INPP5D: variants seen among roughly 807,000 people sequenced by gnomAD.
INPP5D encodes inositol polyphosphate-5-phosphatase D.
INPP5D carries 33 observed loss-of-function variants against 122.9 expected under a neutral mutation model. That is an observed-to-expected ratio of 0.27 (90% CI 0.20 to 0.36). The LOEUF is 0.36. Ranked by LOEUF, INPP5D falls within the 10% of genes least tolerant of loss-of-function variation. The pLI is 1.00. For synonymous variants in INPP5D, 584 were observed against 576.2 expected (o/e 1.01, Z -0.19); for missense variants, 1,053 against 1,412.7 (o/e 0.75, Z 4.08).
At chr2:233,083,564 G>GT (rs1334692771) in intron 2 of INPP5D, among the ~76,000 whole-genome samples, 2 of 152,198 alleles carry the variant, frequency 1.3e-5, no homozygotes, top group African/African-American at 4.8e-5. Context: ...AAGAGAGTGG[G>GT]TTTCTTGTAA....
intron 2 of INPP5D, among the ~76,000 whole-genome samples, chr2:233,092,777 C>T (rs960041069): frequency 6.6e-6 from 1 of 152,214 alleles, no homozygotes; most frequent in Non-Finnish European, 1.5e-5. Context: ...ATCCCTCAAT[C>T]TCCCGTCCCT....
chr2:233,159,199 C>T (rs938548837), intron 10 of INPP5D, among the ~76,000 whole-genome samples: 1 of 152,192 alleles, frequency 6.6e-6, no homozygotes, highest in Admixed American at 6.5e-5. Flanking sequence ...GTGCTGTGGG[C>T]CACTGGGGAA....
At position 233,204,158 on chromosome 2, in the gene INPP5D, C is replaced by T. The variant is rs142742228; in HGVS notation, c.3008C>T (p.Thr1003Met). The T allele has an allele frequency of 2.1e-5, 33 of 1,583,796 alleles. No individual in the cohort carries two copies. Among genetic ancestry groups the T allele is most frequent in the African/African-American group, 4.0e-5 (3 of 74,226 alleles). ...GACCTGGGGAAGAACGCAGGGGACA[C>T]GCTGCCTCAGGAGGACCTGCCGCTG... Reference protein sequence around the residue: ...PSDLGKNAGDTLPQEDLPLTK... With the variant: ...PSDLGKNAGDMLPQEDLPLTK... Residue 1003 changes from threonine to methionine, a missense_variant, in exon 26 of 27, where the codon ACG becomes ATG. Coordinates refer to ENST00000445964, the MANE Select transcript of INPP5D (RefSeq NM_001017915.3).
At position 233,188,762 on chromosome 2, in the gene INPP5D, C is replaced by T. The variant is rs532371748; in HGVS notation, c.2359-1088C>T. On this transcript the variant is annotated intron_variant, in intron 21 of 26. Coordinates refer to ENST00000445964, the MANE Select transcript of INPP5D (RefSeq NM_001017915.3). The surrounding 1 kb of genome is among the most constrained non-coding windows in gnomAD (Gnocchi z 4.7). The stretch of plus-strand genomic sequence containing the variant: ...TTTTTTAGTAGAGACGGGGTTTCAC[C>T]ATGTTGGCCAGGCTGGTCTTGAACT... Among the ~76,000 whole-genome samples the T allele has an allele frequency of 6.6e-6, 1 of 152,284 alleles. No individual in the cohort carries two copies. Among genetic ancestry groups the T allele is most frequent in the Admixed American group, 6.5e-5 (1 of 15,298 alleles).
chr2:233,200,236 G>A (rs7577111), intron 25 of INPP5D, among the ~76,000 whole-genome samples: 5 of 152,202 alleles, frequency 3.3e-5, no homozygotes, highest in Non-Finnish European at 5.9e-5. Flanking sequence ...ACGCTCTCTG[G>A]TGCTGCTGGA....
At chr2:233,155,906 G>A (rs1484997541) in intron 9 of INPP5D, among the ~76,000 whole-genome samples, 8 of 152,140 alleles carry the variant, frequency 5.3e-5, no homozygotes, top group Non-Finnish European at 1.2e-4. Context: ...GATAGATTAC[G>A]CCCTGTGTCA....
At chr2:233,098,543 C>G (rs1337679715) in intron 2 of INPP5D, among the ~76,000 whole-genome samples, 1 of 152,144 alleles carries the variant, frequency 6.6e-6, no homozygotes, top group Non-Finnish European at 1.5e-5. Flanking sequence ...CCTATAAAAT[C>G]CACTCCTGGA....
chr2:233,191,548 G>C (rs1021366463), intron 22 of INPP5D, among the ~76,000 whole-genome samples: 1 of 152,222 alleles, frequency 6.6e-6, no homozygotes, highest in Non-Finnish European at 1.5e-5. Context: ...AGACCAGAAT[G>C]CTGTTGTGCT....
chr2:233,136,365 G>A lies in INPP5D; in HGVS notation c.666-3477G>A, dbSNP rs945297318. Among the ~76,000 whole-genome samples the A allele has an allele frequency of 9.1e-4, 138 of 152,070 alleles. 2 individuals carry two copies. The highest frequency in any genetic ancestry group is 3.4e-4 in the Non-Finnish European group (23 of 68,026). ...GTGGTGTTGCACACCTGTAATCCCA[G>A]CTACTCAGGAGGCTGAGGTAGGAGA... On this transcript the variant is annotated intron_variant, in intron 5 of 26. Coordinates refer to ENST00000445964, the MANE Select transcript of INPP5D (RefSeq NM_001017915.3).
chr2:233,098,070 G>T (rs1692196982), intron 2 of INPP5D, among the ~76,000 whole-genome samples: 1 of 151,948 alleles, frequency 6.6e-6, no homozygotes, highest in South Asian at 2.1e-4. Flanking sequence ...ATTTTAAGTA[G>T]ATTTAAAATA....
chr2:233,098,168 C>T (rs1004085416), intron 2 of INPP5D, among the ~76,000 whole-genome samples: 11 of 152,160 alleles, frequency 7.2e-5, no homozygotes, highest in African/African-American at 2.4e-4. Context: ...GCTGGGATCA[C>T]AGGGATGAGC....
chr2:233,083,793 T>A (rs1016491348), intron 2 of INPP5D, among the ~76,000 whole-genome samples: 1 of 152,132 alleles, frequency 6.6e-6, no homozygotes, highest in Non-Finnish European at 1.5e-5. Flanking sequence ...CTCAGACGTG[T>A]CGCATAAATG....
chr2:233,072,626 C>T (rs1691410856), intron 1 of INPP5D, among the ~76,000 whole-genome samples: 1 of 152,142 alleles, frequency 6.6e-6, no homozygotes, highest in South Asian at 2.1e-4. Flanking sequence ...TTAATATTTA[C>T]TTCAATTTAT....
chr2:233,137,869 T>G (rs865962777), intron 5 of INPP5D, among the ~76,000 whole-genome samples: 1 of 39,384 alleles, frequency 2.5e-5, no homozygotes, highest in East Asian at 5.0e-4. Context: ...TATATATATA[T>G]ATATATATAT....
chr2:233,066,997 C>T (rs1449989594), intron 1 of INPP5D, among the ~76,000 whole-genome samples: 2 of 152,258 alleles, frequency 1.3e-5, no homozygotes, highest in South Asian at 2.1e-4. Flanking sequence ...AGGCTGGTCC[C>T]GAACTCCTGA....
At chr2:233,125,997 C>T (rs1185955703) in intron 4 of INPP5D, 78 bp downstream of exon 4, 12 of 1,416,254 alleles carry the variant, frequency 8.5e-6, no homozygotes, top group African/African-American at 1.4e-5. Context: ...GCTTGGGTTT[C>T]GATCCTAGTT....
rs564205618 is a variant in INPP5D at position 233,122,246 on chromosome 2, A to G, written c.338A>G (p.Glu113Gly). The G allele has an allele frequency of 1.2e-6, 2 of 1,613,602 alleles. No homozygotes were observed. The highest frequency in any genetic ancestry group is 4.5e-5 in the East Asian group (2 of 44,886). The change falls in exon 3 of 27, where the codon GAG becomes GGG. Residue 113 changes from glutamate to glycine, a missense_variant. This residue lies in a region of INPP5D where 196 missense variants were observed against 175.6 expected (regional missense o/e 1.12). Coordinates refer to ENST00000445964, the MANE Select transcript of INPP5D (RefSeq NM_001017915.3). ...LEEEDTGDDP[E>G]EDTVESVVSP... ...GAAGAGGACACAGGCGACGACCCTGAGGAGGACACAGGTAGGGAGGGAGGG... is the reference window on the plus strand; with the variant it reads ...GAAGAGGACACAGGCGACGACCCTGGGGAGGACACAGGTAGGGAGGGAGGG...
intron 2 of INPP5D, among the ~76,000 whole-genome samples, chr2:233,092,814 G>C (rs558578522): frequency 6.6e-6 from 1 of 152,170 alleles, no homozygotes; most frequent in Non-Finnish European, 1.5e-5. Context: ...AGGCCAAGGA[G>C]CCCCAGGCCC....
At chr2:233,065,911 C>T (rs1177246929) in intron 1 of INPP5D, among the ~76,000 whole-genome samples, 1 of 151,528 alleles carries the variant, frequency 6.6e-6, no homozygotes, top group African/African-American at 2.4e-5. Context: ...TCCCAAAGTG[C>T]TGGGATTACA....
Sources: allele counts gnomAD v4.1 joint callset (sites outside exome capture counted in the v4.1 genomes callset), GRCh38; gene constraint gnomAD v4.1.1; regional missense constraint gnomAD v4.1.1; non-coding constraint Gnocchi (gnomAD v3.1); transcripts MANE v1.5; gene names NCBI Gene and HGNC (gene_info 2026-07-23, HGNC 2026-07-21).